TIAM1: variants seen among roughly 807,000 people sequenced by gnomAD.
TIAM1 encodes TIAM Rac1 associated GEF 1.
TIAM1 carries 65 observed loss-of-function variants against 163.5 expected under a neutral mutation model. That is an observed-to-expected ratio of 0.40 (90% CI 0.33 to 0.49). The LOEUF (loss-of-function observed/expected upper bound fraction) is 0.49. TIAM1 is among the 20% of genes least tolerant of loss of function. The pLI is 0.77. For synonymous variants in TIAM1, 833 were observed against 810.1 expected (o/e 1.03, Z -0.48); for missense variants, 1,789 against 2,044.7 (o/e 0.87, Z 2.41).
intron 10 of TIAM1, among the ~76,000 whole-genome samples, chr21:31,210,568 A>AAGAGAAAGAAGGAAGGAAGGG: frequency 8.3e-6 from 1 of 119,996 alleles, no homozygotes; most frequent in African/African-American, 4.1e-5. Context: ...GAAAGAAAGA[A>AAGAGAAAGAAGGAAGGAAGGG]AGAAAGAAAG....
intron 2 of TIAM1, among the ~76,000 whole-genome samples, chr21:31,376,704 C>T (rs1448476870): frequency 6.6e-6 from 1 of 151,484 alleles, no homozygotes; most frequent in African/African-American, 2.4e-5. Context: ...TACATGCTGA[C>T]TAATGTCATG....
intron 2 of TIAM1, among the ~76,000 whole-genome samples, chr21:31,288,237 T>TA (rs1272605371): frequency 1.3e-5 from 2 of 151,902 alleles, no homozygotes; most frequent in East Asian, 1.9e-4. Flanking sequence ...GCAATACAGT[T>TA]AAAAAACAAA....
chr21:31,265,809 C>A (rs895386601), intron 4 of TIAM1, among the ~76,000 whole-genome samples: 1 of 152,102 alleles, frequency 6.6e-6, no homozygotes, highest in African/African-American at 2.4e-5. Flanking sequence ...TTCCCTTAAT[C>A]CCCACCCCTT....
At chr21:31,460,764 A>C (rs981935456) in intron 2 of TIAM1, among the ~76,000 whole-genome samples, 1 of 152,248 alleles carries the variant, frequency 6.6e-6, no homozygotes, top group Non-Finnish European at 1.5e-5. Flanking sequence ...CACCAATTAT[A>C]TCTGAATGCA....
At chr21:31,555,259 T>G (rs1357249411) in intron 1 of TIAM1, among the ~76,000 whole-genome samples, 1 of 151,858 alleles carries the variant, frequency 6.6e-6, no homozygotes, top group Non-Finnish European at 1.5e-5. Context: ...GACCTGAAGT[T>G]TGGAATTGGG....
At chr21:31,140,476 C>G (rs563476329) in intron 22 of TIAM1, among the ~76,000 whole-genome samples, 1 of 152,162 alleles carries the variant, frequency 6.6e-6, no homozygotes, top group Admixed American at 6.5e-5. Flanking sequence ...CAGGGGTACA[C>G]AGTAATGCTT....
At chr21:31,251,454 C>A (rs929041190) in intron 5 of TIAM1, among the ~76,000 whole-genome samples, 4 of 152,132 alleles carry the variant, frequency 2.6e-5, no homozygotes, top group African/African-American at 4.8e-5. Flanking sequence ...TCCCAAAGTG[C>A]TGGGATTACA....
At chr21:31,481,519 T>G (rs1009209929) in intron 1 of TIAM1, among the ~76,000 whole-genome samples, 1 of 152,136 alleles carries the variant, frequency 6.6e-6, no homozygotes, top group South Asian at 2.1e-4. Flanking sequence ...AGACACCAGC[T>G]ACAGATGGAG....
At chr21:31,357,480 A>G (rs974792078) in intron 2 of TIAM1, among the ~76,000 whole-genome samples, 12 of 152,152 alleles carry the variant, frequency 7.9e-5, no homozygotes, top group Admixed American at 7.2e-4. Context: ...GTAGACAACT[A>G]TCCATACTCC....
intron 2 of TIAM1, among the ~76,000 whole-genome samples, chr21:31,328,196 A>C (rs1322475495): frequency 6.6e-6 from 1 of 152,088 alleles, no homozygotes; most frequent in Non-Finnish European, 1.5e-5. Context: ...CCTTGCTTCA[A>C]GGGCCTCCAC....
intron 1 of TIAM1, among the ~76,000 whole-genome samples, chr21:31,546,069 A>AT (rs35357564): frequency 0.44 from 67,175 of 151,584 alleles, 16,075 homozygotes; most frequent in African/African-American, 0.63. Flanking sequence ...GTTTTAATTT[A>AT]TTTTAAAAAA....
intron 2 of TIAM1, among the ~76,000 whole-genome samples, chr21:31,386,638 C>A (rs978983138): frequency 1.3e-5 from 2 of 152,084 alleles, no homozygotes; most frequent in African/African-American, 4.8e-5. Flanking sequence ...AACTGCAGGG[C>A]AAGGGACCCA....
intron 6 of TIAM1, among the ~76,000 whole-genome samples, chr21:31,238,818 T>A (rs1321086449): frequency 1.3e-5 from 2 of 152,190 alleles, no homozygotes; most frequent in Non-Finnish European, 2.9e-5. Flanking sequence ...AATAAAAGGC[T>A]TTGGAGAAAC....
chr21:31,330,595 C>T (rs150369482), intron 2 of TIAM1, among the ~76,000 whole-genome samples: 23 of 152,216 alleles, frequency 1.5e-4, no homozygotes, highest in African/African-American at 5.1e-4. Context: ...TGCGCCACCA[C>T]GCCTGGCTAA....
At chr21:31,169,496 C>G (rs556956652) in intron 15 of TIAM1, among the ~76,000 whole-genome samples, 1 of 152,050 alleles carries the variant, frequency 6.6e-6, no homozygotes, top group Non-Finnish European at 1.5e-5. Flanking sequence ...CCTAAAGAAA[C>G]CTTCAAATGT....
chr21:31,129,108 G>C (rs2082315070), intron 25 of TIAM1, among the ~76,000 whole-genome samples: 1 of 152,130 alleles, frequency 6.6e-6, no homozygotes, highest in Non-Finnish European at 1.5e-5. Flanking sequence ...TGTCCAAGTG[G>C]GACAGGGAAC....
chr21:31,474,437 A>C (rs534592111), intron 1 of TIAM1, among the ~76,000 whole-genome samples: 16 of 152,106 alleles, frequency 1.1e-4, no homozygotes, highest in Non-Finnish European at 1.6e-4. Flanking sequence ...CCTCATCTGT[A>C]AGATGAGGAT....
chr21:31,439,223 C>T (rs1450192545), intron 2 of TIAM1, among the ~76,000 whole-genome samples: 1 of 152,192 alleles, frequency 6.6e-6, no homozygotes, highest in African/African-American at 2.4e-5. Flanking sequence ...GACCCAGACC[C>T]AATACCATCT....
At chr21:31,383,233 C>G (rs1047929489) in intron 2 of TIAM1, among the ~76,000 whole-genome samples, 13 of 151,718 alleles carry the variant, frequency 8.6e-5, no homozygotes, top group Non-Finnish European at 1.8e-4. Context: ...GAGCAAGACT[C>G]CCTCTCAAAA....
Sources: allele counts gnomAD v4.1 joint callset (sites outside exome capture counted in the v4.1 genomes callset), GRCh38; gene constraint gnomAD v4.1.1; transcripts MANE v1.5; gene names NCBI Gene and HGNC (gene_info 2026-07-23, HGNC 2026-07-21).